Variants in PACS1 observed in about 807,000 individuals in gnomAD.
PACS1 encodes PACS-1.
In PACS1, 24 loss-of-function variants were observed where a neutral mutation model predicts 115.0. That is an observed-to-expected ratio of 0.21 (90% CI 0.15 to 0.29). PACS1 has a LOEUF of 0.29. PACS1 is among the 10% of genes least tolerant of loss of function. The pLI is 1.00. For synonymous variants in PACS1, 453 were observed against 504.5 expected (o/e 0.90, Z 1.37); for missense variants, 838 against 1,251.2 (o/e 0.67, Z 4.98).
rs573049200 is a variant in PACS1, at chr11:66,167,409, A to T, written c.357-26077A>T. Among the ~76,000 whole-genome samples the T allele has an allele frequency of 2.1e-5, 3 of 143,542 alleles. No individual in the cohort carries two copies. In the South Asian group the frequency reaches 6.5e-4, roughly 31 times the overall value. 94.2% of individuals were successfully genotyped at this position (143,542 alleles called of 152,430 possible). A position where few individuals can be genotyped will look rare whatever the true frequency, so the allele number is the denominator to read the frequency against. ...TGGAGTGCAGTCATAGCTCACTGCA[A>T]CCTCGAACTTGAACTCCCGGCCTCA... On this transcript the variant is annotated intron_variant, in intron 1 of 23. Coordinates refer to ENST00000320580, the MANE Select transcript of PACS1 (RefSeq NM_018026.4).
chr11:66,121,312 T>C (rs1858436558), intron 1 of PACS1, among the ~76,000 whole-genome samples: 1 of 152,164 alleles, frequency 6.6e-6, no homozygotes, highest in Admixed American at 6.5e-5. Flanking sequence ...CATTCCCCCA[T>C]CTCTCTTCCT....
intron 1 of PACS1, among the ~76,000 whole-genome samples, chr11:66,089,764 T>C (rs540249718): frequency 6.6e-6 from 1 of 151,984 alleles, no homozygotes; most frequent in Non-Finnish European, 1.5e-5. Context: ...TCCAGCACTT[T>C]AGGATGCCAA....
At chr11:66,242,843 CGGCT>C (rs1855843505) in intron 22 of PACS1, 65 bp from the exon 23 acceptor site, 1 of 1,602,026 alleles carries the variant, frequency 6.2e-7, no homozygotes, top group Middle Eastern at 1.9e-4. Flanking sequence ...AGGGGACAGT[CGGCT>C]GGGGAGGAGA....
chr11:66,182,688 A>G (rs1860037507), intron 1 of PACS1, among the ~76,000 whole-genome samples: 1 of 152,038 alleles, frequency 6.6e-6, no homozygotes, highest in African/African-American at 2.4e-5. Context: ...ACAAGGCCTC[A>G]CTTATGTGCT....
chr11:66,074,764 TG>T, intron 1 of PACS1, among the ~76,000 whole-genome samples: 1 of 152,210 alleles, frequency 6.6e-6, no homozygotes, highest in Admixed American at 6.5e-5. Flanking sequence ...TGGCCATAGC[TG>T]AGTTGGCATG....
At chr11:66,206,345 T>C (rs916965245) in intron 2 of PACS1, among the ~76,000 whole-genome samples, 9 of 152,174 alleles carry the variant, frequency 5.9e-5, no homozygotes, top group Admixed American at 1.3e-4. Flanking sequence ...CCCTGGTTGG[T>C]AGTGCCCCAG....
intron 11 of PACS1, among the ~76,000 whole-genome samples, chr11:66,228,863 T>G (rs1281137298): frequency 1.3e-5 from 2 of 152,154 alleles, no homozygotes; most frequent in Non-Finnish European, 2.9e-5. Flanking sequence ...GATTTGTGCT[T>G]CTTACTTTAT....
At chr11:66,214,225 T>G (rs1336225623) in intron 4 of PACS1, among the ~76,000 whole-genome samples, 1 of 152,068 alleles carries the variant, frequency 6.6e-6, no homozygotes, top group Non-Finnish European at 1.5e-5. Context: ...TGATAGAAAA[T>G]TTGAGATAGT....
At chr11:66,096,209 C>CTTTTTTTTTTTT (rs66569530) in intron 1 of PACS1, among the ~76,000 whole-genome samples, 4 of 119,506 alleles carry the variant, frequency 3.3e-5, no homozygotes, top group East Asian at 2.9e-4. Context: ...CTTTTTCTTT[C>CTTTTTTTTTTTT]TTTTTTTTTT....
chr11:66,082,582 C>T (rs1299916488), intron 1 of PACS1, among the ~76,000 whole-genome samples: 2 of 152,312 alleles, frequency 1.3e-5, no homozygotes, highest in South Asian at 4.1e-4. Context: ...GCGCATCAGG[C>T]CGGGCGCTGT....
intron 1 of PACS1, among the ~76,000 whole-genome samples, chr11:66,077,315 C>G (rs1480492497): frequency 6.6e-6 from 1 of 152,220 alleles, no homozygotes; most frequent in African/African-American, 2.4e-5. Flanking sequence ...ATCATCCCAG[C>G]ACTTTGGGAG....
At chr11:66,213,242 G>T (rs1306628912) in intron 4 of PACS1, among the ~76,000 whole-genome samples, 6 of 152,198 alleles carry the variant, frequency 3.9e-5, no homozygotes, top group African/African-American at 9.7e-5. Flanking sequence ...TGTTTTATTT[G>T]ATGGGGCTGA....
intron 1 of PACS1, among the ~76,000 whole-genome samples, chr11:66,121,645 C>T (rs1231965589): frequency 6.6e-6 from 1 of 152,170 alleles, no homozygotes; most frequent in Non-Finnish European, 1.5e-5. Context: ...AGCAAAACAA[C>T]CTTATTGCTG....
chr11:66,232,927 C>A, intron 14 of PACS1, 33 bp from the exon 15 acceptor site: 1 of 1,503,592 alleles, frequency 6.7e-7, no homozygotes, highest in Non-Finnish European at 9.2e-7. Flanking sequence ...GTGTTCTCAC[C>A]TGTGTCCCTG....
chr11:66,145,610 C>T (rs1859103699), intron 1 of PACS1, among the ~76,000 whole-genome samples: 1 of 152,204 alleles, frequency 6.6e-6, no homozygotes, highest in African/African-American at 2.4e-5. Flanking sequence ...GCAGGTAAAA[C>T]TAGAGAGATC....
At chr11:66,104,302 A>C (rs967775662) in intron 1 of PACS1, among the ~76,000 whole-genome samples, 2 of 152,164 alleles carry the variant, frequency 1.3e-5, no homozygotes, top group African/African-American at 4.8e-5. Flanking sequence ...GGTAAACTTA[A>C]TGGAATTTTC....
chr11:66,193,314 A>G (rs544259020), intron 1 of PACS1, among the ~76,000 whole-genome samples, 172 bp from the exon 2 acceptor site: 2 of 152,180 alleles, frequency 1.3e-5, no homozygotes, highest in African/African-American at 4.8e-5. Flanking sequence ...TCTTAAAAGT[A>G]TAAACATTAA....
At chr11:66,115,701 G>A (rs1451080974) in intron 1 of PACS1, among the ~76,000 whole-genome samples, 1 of 152,182 alleles carries the variant, frequency 6.6e-6, no homozygotes, top group East Asian at 1.9e-4. Flanking sequence ...GTTAGGTTTT[G>A]CCTGCATGTT....
At chr11:66,153,550 G>C (rs1420196163) in intron 1 of PACS1, among the ~76,000 whole-genome samples, 1 of 152,160 alleles carries the variant, frequency 6.6e-6, no homozygotes, top group African/African-American at 2.4e-5. Context: ...GGGAGGCTCA[G>C]GTGGGCGGAT....
Sources: gnomAD v4.1 joint callset for allele counts (sites outside exome capture counted in the v4.1 genomes callset) on GRCh38, gnomAD v4.1.1 for gene constraint, MANE v1.5 for transcripts, NCBI Gene and HGNC (gene_info 2026-07-23, HGNC 2026-07-21) for gene names.